ADAM12: variants seen among roughly 807,000 people sequenced by gnomAD.
The protein encoded by ADAM12 is ADAM metallopeptidase domain 12.
ADAM12 carries 70 observed loss-of-function variants against 106.4 expected under a neutral mutation model. The ratio of observed to expected loss-of-function variants is 0.66; its 90% CI spans 0.54 to 0.80. The LOEUF (loss-of-function observed/expected upper bound fraction) is 0.80, where lower values mean the gene tolerates loss of function less well. Ranked by LOEUF, ADAM12 falls within the 30% of genes least tolerant of loss-of-function variation. The pLI is 0.00. For missense variants in ADAM12, 1,010 were observed against 1,171.9 expected (o/e 0.86, Z 2.02); for synonymous variants, 420 against 433.5 (o/e 0.97, Z 0.39).
chr10:126,333,190 C>A (rs1411195218), intron 1 of ADAM12, among the ~76,000 whole-genome samples: 1 of 152,222 alleles, frequency 6.6e-6, no homozygotes, highest in Non-Finnish European at 1.5e-5. Context: ...TAAGGTACTC[C>A]TGGCAGCGCT....
chr10:126,115,465 C>T (rs1405543732), intron 6 of ADAM12, among the ~76,000 whole-genome samples: 1 of 152,166 alleles, frequency 6.6e-6, no homozygotes, highest in East Asian at 1.9e-4. Context: ...GTGACGCTCC[C>T]TGTTTCTCTG....
chr10:126,278,835 C>T (rs1277207645), intron 3 of ADAM12, 80 bp downstream of exon 3: 6 of 1,106,288 alleles, frequency 5.4e-6, no homozygotes, highest in Admixed American at 2.4e-5. Context: ...TTTCTAAACC[C>T]CAACATAAAT....
intron 5 of ADAM12, among the ~76,000 whole-genome samples, chr10:126,128,798 A>C (rs1956252764): frequency 1.7e-5 from 2 of 114,522 alleles, no homozygotes; most frequent in East Asian, 2.7e-4. Context: ...GCGTGTCGGA[A>C]TGTGTGCAAG....
chr10:126,094,186 T>C, intron 10 of ADAM12, 53 bp from the exon 11 acceptor site: 1 of 1,554,354 alleles, frequency 6.4e-7, no homozygotes, highest in East Asian at 2.3e-5. Flanking sequence ...CTTGGCCTTA[T>C]TTCCCAGGTC....
intron 11 of ADAM12, among the ~76,000 whole-genome samples, chr10:126,081,517 A>G (rs1227362852): frequency 1.3e-5 from 2 of 152,180 alleles, no homozygotes; most frequent in Non-Finnish European, 2.9e-5. Context: ...GCAGACCAAA[A>G]TGGAGTTTTG....
At chr10:126,122,662 G>A (rs1956135993) in intron 5 of ADAM12, among the ~76,000 whole-genome samples, 1 of 152,166 alleles carries the variant, frequency 6.6e-6, no homozygotes, top group South Asian at 2.1e-4. Flanking sequence ...TTGGGAGGCT[G>A]ATGTGGGAGA....
chr10:126,085,648 TTGTC>T (rs555552580), intron 11 of ADAM12, among the ~76,000 whole-genome samples: 85 of 152,256 alleles, frequency 5.6e-4, no homozygotes, highest in African/African-American at 2.0e-3. Context: ...CATCCATCCT[TTGTC>T]TGTCTGTCCA....
rs1382302555 is a variant in ADAM12, at chr10:126,388,282, G to A, written c.-137C>T. ...GGCGAGTCAGCTCCGGAGCCCTCGC[G>A]CAGCGCCCGCGCCGCCGCTGAGCTC... On this transcript the variant is annotated 5_prime_UTR_variant, in exon 1 of 23. Coordinates refer to ENST00000448723, the MANE Select transcript of ADAM12 (RefSeq NM_001288973.2). This position sits in a 1 kb window ranked among gnomAD's most constrained non-coding sequence, Gnocchi z 4.4. 2 of 1,140,002 alleles carry A rather than the reference G, an allele frequency of 1.8e-6. No individual in the cohort carries two copies. The highest frequency in any genetic ancestry group is 2.2e-6 in the Non-Finnish European group (2 of 918,500). The allele number at this position is 1,140,002 out of a possible 1,614,324, so 70.6% of individuals were successfully genotyped here. A position where few individuals can be genotyped will look rare whatever the true frequency, so the allele number is the denominator to read the frequency against.
At chr10:126,187,769 C>T (rs879728918) in intron 3 of ADAM12, among the ~76,000 whole-genome samples, 6 of 152,190 alleles carry the variant, frequency 3.9e-5, no homozygotes, top group Non-Finnish European at 8.8e-5. Context: ...GTTTTAATAT[C>T]TTGCTGGAAT....
At chr10:126,313,592 G>A (rs899964954) in intron 2 of ADAM12, among the ~76,000 whole-genome samples, 1 of 143,416 alleles carries the variant, frequency 7.0e-6, no homozygotes, top group East Asian at 2.0e-4. Flanking sequence ...GCTTCAAGGT[G>A]TGAGCCCCAT....
intron 12 of ADAM12, 125 bp downstream of exon 12, chr10:126,071,352 A>G (rs1954985088): frequency 2.5e-6 from 3 of 1,183,676 alleles, no homozygotes; most frequent in Non-Finnish European, 3.6e-6. Context: ...GGATGGGCAG[A>G]TAGGACTCTT....
intron 3 of ADAM12, among the ~76,000 whole-genome samples, chr10:126,261,556 C>T (rs905831805): frequency 1.3e-4 from 20 of 152,158 alleles, no homozygotes; most frequent in African/African-American, 4.6e-4. Flanking sequence ...CTGTGTAAAA[C>T]GGTGGTGGAT....
chr10:126,027,151 A>C (rs1353720559), intron 21 of ADAM12, among the ~76,000 whole-genome samples: 1 of 152,154 alleles, frequency 6.6e-6, no homozygotes, highest in Non-Finnish European at 1.5e-5. Flanking sequence ...TCTAGAGCAC[A>C]TACAGTCTCT....
intron 1 of ADAM12, among the ~76,000 whole-genome samples, chr10:126,359,277 T>G (rs1021129951): frequency 6.6e-6 from 1 of 152,136 alleles, no homozygotes; most frequent in Non-Finnish European, 1.5e-5. Flanking sequence ...TGTCCTCACA[T>G]TTCAAAACCA....
At chr10:126,240,835 C>A (rs1958507912) in intron 3 of ADAM12, among the ~76,000 whole-genome samples, 1 of 152,234 alleles carries the variant, frequency 6.6e-6, no homozygotes, top group Admixed American at 6.5e-5. Flanking sequence ...CTTCTGAGAA[C>A]AACACAGAGC....
chr10:126,206,472 G>A (rs1249562235), intron 3 of ADAM12, among the ~76,000 whole-genome samples: 1 of 152,182 alleles, frequency 6.6e-6, no homozygotes, highest in Non-Finnish European at 1.5e-5. Context: ...AGGGAATTAA[G>A]TTAATCATAA....
chr10:126,268,146 A>C (rs1959137105), intron 3 of ADAM12, among the ~76,000 whole-genome samples: 1 of 152,066 alleles, frequency 6.6e-6, no homozygotes, highest in African/African-American at 2.4e-5. Flanking sequence ...CCCGGTAACC[A>C]CCATTCTACT....
chr10:126,199,771 C>G (rs907534888), intron 3 of ADAM12, among the ~76,000 whole-genome samples: 1 of 152,160 alleles, frequency 6.6e-6, no homozygotes, highest in Non-Finnish European at 1.5e-5. Flanking sequence ...AATAAGGATG[C>G]ATTCTTTTAA....
At chr10:126,048,315 G>C (rs1590334693) in intron 16 of ADAM12, among the ~76,000 whole-genome samples, 2 of 152,148 alleles carry the variant, frequency 1.3e-5, no homozygotes, top group South Asian at 2.1e-4. Flanking sequence ...AATATGATTT[G>C]AGCCTAAAAA....
Sources: allele counts gnomAD v4.1 joint callset (sites outside exome capture counted in the v4.1 genomes callset), GRCh38; gene constraint gnomAD v4.1.1; non-coding constraint Gnocchi (gnomAD v3.1); transcripts MANE v1.5; gene names NCBI Gene and HGNC (gene_info 2026-07-23, HGNC 2026-07-21).